Variants in KCNQ1 observed in about 807,000 individuals in gnomAD.
The protein encoded by KCNQ1 is potassium voltage-gated channel subfamily Q member 1.
In KCNQ1, 49 loss-of-function variants were observed where a neutral mutation model predicts 72.4. The observed-to-expected ratio is 0.68, with a 90% CI of 0.54 to 0.86. KCNQ1 has a LOEUF of 0.86. KCNQ1 is among the 40% of genes least tolerant of loss of function. The probability of loss-of-function intolerance (pLI) is 0.00; values close to 1 mark genes in which losing one functional copy is unlikely to be tolerated. For synonymous variants in KCNQ1, 450 were observed against 412.6 expected (o/e 1.09, Z -1.10); for missense variants, 790 against 945.1 (o/e 0.84, Z 2.15).
In KCNQ1 at chr11:2,690,553, G is replaced by A; in HGVS notation, c.1514+28472G>A. The A allele has an allele frequency of 2.5e-6, 1 of 398,674 alleles. No individual in the cohort carries two copies. The highest frequency in any genetic ancestry group is 4.4e-6 in the Non-Finnish European group (1 of 226,098). 24.7% of individuals were successfully genotyped at this position (398,674 alleles called of 1,614,324 possible). ...CACTGGGCCTAGGGAAGGACAAGAA[G>A]TAACATGTCAAAGATGGGACAGAAC... On this transcript the variant is annotated intron_variant, in intron 11 of 15. Transcript: ENST00000155840. This position sits in a 1 kb window ranked among gnomAD's most constrained non-coding sequence, Gnocchi z 5.1.
intron 10 of KCNQ1, chr11:2,625,178 A>G (rs182950896): frequency 1.0e-5 from 4 of 398,662 alleles, no homozygotes; most frequent in African/African-American, 2.1e-5. Flanking sequence ...AGGCTGTACC[A>G]TTTTGCATTC....
At chr11:2,641,439 T>A (rs1849575570) in intron 10 of KCNQ1, 1 of 398,346 alleles carries the variant, frequency 2.5e-6, no homozygotes. Context: ...TGTTTTCTTT[T>A]GAGAAATATC....
At chr11:2,820,925 C>T (rs1283773050) in intron 15 of KCNQ1, among the ~76,000 whole-genome samples, 1 of 152,254 alleles carries the variant, frequency 6.6e-6, no homozygotes. Context: ...CTACACCCCA[C>T]CTCCATTGCT....
Position 2,602,659 on chromosome 11 carries a change from A to G in KCNQ1, c.1393+13805A>G, listed in dbSNP as rs1365394021. Among the ~76,000 whole-genome samples the G allele has an allele frequency of 6.6e-6, 1 of 152,192 alleles. No individual in the cohort carries two copies. The highest frequency in any genetic ancestry group is 1.5e-5 in the Non-Finnish European group (1 of 68,036). Reference sequence around the variant, plus strand: ...TGAGATCTCATTGTGGTTTACATTTACATTTCCTCATTAGGATGATACTGA... The same window carrying G: ...TGAGATCTCATTGTGGTTTACATTTGCATTTCCTCATTAGGATGATACTGA... On this transcript the variant is annotated intron_variant, in intron 10 of 15. Coordinates refer to ENST00000155840, the MANE Select transcript of KCNQ1 (RefSeq NM_000218.3). The surrounding 1 kb of genome is among the most constrained non-coding windows in gnomAD (Gnocchi z 4.8).
chr11:2,840,845 G>C lies in KCNQ1; in HGVS notation c.1795-6922G>C, dbSNP rs182757599. Among the ~76,000 whole-genome samples, 4 of 152,272 alleles carry C rather than the reference G, an allele frequency of 2.6e-5. No individual in the cohort carries two copies. In the East Asian group the frequency reaches 5.8e-4, roughly 22 times the overall value. Reference sequence around the variant, plus strand: ...CCCACCCTGGGAGGGAGTGGGCTTGGGGGGCTTCTACCCCCTCACTCCAGC... The same window carrying C: ...CCCACCCTGGGAGGGAGTGGGCTTGCGGGGCTTCTACCCCCTCACTCCAGC... On this transcript the variant is annotated intron_variant, in intron 15 of 15. Transcript: ENST00000155840.
At chr11:2,700,138 T>C (rs1850774889) in intron 11 of KCNQ1, 1 of 397,150 alleles carries the variant, frequency 2.5e-6, no homozygotes, top group South Asian at 1.4e-4. Context: ...TGATGTGCCG[T>C]GTCCTGTCAT....
At chr11:2,667,092 A>G (rs1850087941) in intron 11 of KCNQ1, 1 of 398,516 alleles carries the variant, frequency 2.5e-6, no homozygotes, top group South Asian at 1.3e-4. Flanking sequence ...TGTTCTTCTA[A>G]TTAAATTAAA....
chr11:2,692,443 G>A (rs1850604826), intron 11 of KCNQ1: 1 of 398,578 alleles, frequency 2.5e-6, no homozygotes, highest in Non-Finnish European at 4.4e-6. Context: ...TTAGAGACCT[G>A]TGGGTCTTGC....
chr11:2,575,395 A>T (rs1310130363), intron 6 of KCNQ1, among the ~76,000 whole-genome samples: 1 of 152,118 alleles, frequency 6.6e-6, no homozygotes, highest in African/African-American at 2.4e-5. Context: ...CTGTGGGGCA[A>T]ACAGCTCCCA....
At chr11:2,794,035 C>T (rs1847083074) in intron 15 of KCNQ1, among the ~76,000 whole-genome samples, 1 of 152,150 alleles carries the variant, frequency 6.6e-6, no homozygotes, top group South Asian at 2.1e-4. Flanking sequence ...GCACATCCTC[C>T]TGAGGCCATG....
Position 2,647,900 on chromosome 11 carries a change from T to C in KCNQ1, c.1394-14061T>C, listed in dbSNP as rs1222597457. On this transcript the variant is annotated intron_variant, in intron 10 of 15. Coordinates refer to ENST00000155840, the MANE Select transcript of KCNQ1 (RefSeq NM_000218.3). The surrounding 1 kb of genome is among the most constrained non-coding windows in gnomAD (Gnocchi z 4.0). ...CTTGGTTAGTCTAGCTAATGGTTTA[T>C]TGATTTTCTCTTTTCAAAAAATCAG... The C allele has an allele frequency of 2.5e-6, 1 of 398,410 alleles. No homozygotes were observed. The highest frequency in any genetic ancestry group is 4.4e-6 in the Non-Finnish European group (1 of 226,064). The allele number at this position is 398,410 out of a possible 1,614,324, so 24.7% of individuals were successfully genotyped here.
intron 6 of KCNQ1, among the ~76,000 whole-genome samples, chr11:2,578,130 G>A (rs75392110): frequency 0.041 from 6,319 of 152,348 alleles, 150 homozygotes; most frequent in Middle Eastern, 0.095. Context: ...ACAAATTCCA[G>A]GAGTGAGTGA....
intron 11 of KCNQ1, among the ~76,000 whole-genome samples, chr11:2,721,751 C>T (rs1392790349): frequency 1.3e-5 from 2 of 152,234 alleles, no homozygotes; most frequent in Admixed American, 6.5e-5. Flanking sequence ...GTGATGGTCC[C>T]CTCGGCCTGC....
chr11:2,544,339 T>C lies in KCNQ1; in HGVS notation c.477+16321T>C, dbSNP rs1847873265. On this transcript the variant is annotated intron_variant, in intron 2 of 15. Coordinates refer to ENST00000155840, the MANE Select transcript of KCNQ1 (RefSeq NM_000218.3). This position sits in a 1 kb window ranked among gnomAD's most constrained non-coding sequence, Gnocchi z 4.4. ...ATATATCTATGTATATATATGTGTA[T>C]GTATATGTATATATATGTGTATATA... is the stretch of plus-strand genomic sequence containing the variant. Among the ~76,000 whole-genome samples, 2 of 144,524 alleles carry C rather than the reference T, an allele frequency of 1.4e-5. No homozygotes were observed. The highest frequency in any genetic ancestry group is 5.5e-5 in the African/African-American group (2 of 36,652). 94.8% of individuals were successfully genotyped at this position (144,524 alleles called of 152,430 possible). A position where few individuals can be genotyped will look rare whatever the true frequency, so the allele number is the denominator to read the frequency against.
At chr11:2,689,628 C>T in intron 11 of KCNQ1, 1 of 398,692 alleles carries the variant, frequency 2.5e-6, no homozygotes, top group South Asian at 1.3e-4. Flanking sequence ...AGGAACAAAA[C>T]AAGCCAGCAG....
rs565471356 is a variant in KCNQ1, at chr11:2,725,460, C to A, written c.1515-43384C>A. Among the ~76,000 whole-genome samples the A allele has an allele frequency of 6.6e-6, 1 of 152,202 alleles. No individual in the cohort carries two copies. The highest frequency in any genetic ancestry group is 1.5e-5 in the Non-Finnish European group (1 of 68,046). On this transcript the variant is annotated intron_variant, in intron 11 of 15. Transcript: ENST00000155840. The surrounding 1 kb of genome is among the most constrained non-coding windows in gnomAD (Gnocchi z 7.2). The stretch of plus-strand genomic sequence containing the variant: ...CCACTTTTTGCGTGGAGGTGACCTG[C>A]CATTTGTCCGGTTGGGGGTCCCCAA...
rs1040292610 is a variant in KCNQ1 at position 2,661,772 on chromosome 11, C to T, written c.1394-189C>T. 1 of 665,002 alleles carries T rather than the reference C, an allele frequency of 1.5e-6. No individual in the cohort carries two copies. Among genetic ancestry groups the T allele is most frequent in the Non-Finnish European group, 2.7e-6 (1 of 373,256 alleles). The allele number at this position is 665,002 out of a possible 1,614,324, so 41.2% of individuals were successfully genotyped here. Reference sequence around the variant, plus strand: ...TTATTCTCCTCAGACACTGAGGTGTCAGGCACTTTGGGGCCATCTTAAACA... The same window carrying T: ...TTATTCTCCTCAGACACTGAGGTGTTAGGCACTTTGGGGCCATCTTAAACA... On this transcript the variant is annotated intron_variant, in intron 10 of 15. Transcript: ENST00000155840. This position sits in a 1 kb window ranked among gnomAD's most constrained non-coding sequence, Gnocchi z 5.9.
In KCNQ1 at chr11:2,620,947, T is replaced by TG. The variant is rs1849160123; in HGVS notation, c.1393+32094dup. The TG allele has an allele frequency of 3.3e-6, 1 of 301,972 alleles. No homozygotes were observed. Among genetic ancestry groups the TG allele is most frequent in the African/African-American group, 4.3e-5 (1 of 23,446 alleles). 18.7% of individuals were successfully genotyped at this position (301,972 alleles called of 1,614,324 possible). On this transcript the variant is annotated intron_variant, in intron 10 of 15. Transcript: ENST00000155840. The surrounding 1 kb of genome is among the most constrained non-coding windows in gnomAD (Gnocchi z 4.5). ...TTTTTTTGTTGTTGTTGTTTTGTTTTGTTTTTTTTTGTCTGTTTTTTGCTT... is the reference window on the plus strand; with the variant it reads ...TTTTTTTGTTGTTGTTGTTTTGTTTTGGTTTTTTTTTGTCTGTTTTTTGCTT...
chr11:2,738,363 T>G (rs1439135207), intron 11 of KCNQ1, among the ~76,000 whole-genome samples: 2 of 152,048 alleles, frequency 1.3e-5, no homozygotes, highest in African/African-American at 4.8e-5. Context: ...AGGTGACATT[T>G]GTACCAAGCA....
Sources: allele counts gnomAD v4.1 joint callset (sites outside exome capture counted in the v4.1 genomes callset), GRCh38; gene constraint gnomAD v4.1.1; non-coding constraint Gnocchi (gnomAD v3.1); transcripts MANE v1.5; gene names NCBI Gene and HGNC (gene_info 2026-07-23, HGNC 2026-07-21).